Variants in ZNF274 observed in about 807,000 individuals in gnomAD.
ZNF274 encodes zinc finger protein 274, also known as neurotrophin receptor-interacting factor homolog.
A neutral mutation model predicts 42.5 loss-of-function variants in ZNF274; 23 were observed. That is an observed-to-expected ratio of 0.54 (90% CI 0.39 to 0.77). The LOEUF is 0.77. Among genes scored for constraint, ZNF274 ranks in the 30% least tolerant of loss-of-function variants. The pLI, the probability that ZNF274 is intolerant of heterozygous loss-of-function variation, is 0.00. For synonymous variants in ZNF274, 292 were observed against 305.4 expected (o/e 0.96, Z 0.46); for missense variants, 679 against 806.5 (o/e 0.84, Z 1.91).
At chr19:58,194,595 G>C (rs2075817933) in intron 4 of ZNF274, among the ~76,000 whole-genome samples, 1 of 151,814 alleles carries the variant, frequency 6.6e-6, no homozygotes, top group Non-Finnish European at 1.5e-5. Flanking sequence ...TGGCCAGGCT[G>C]GTCTCAAATC....
chr19:58,185,609 T>C, intron 2 of ZNF274, 103 bp from the exon 3 acceptor site: 2 of 1,296,322 alleles, frequency 1.5e-6, no homozygotes, highest in Non-Finnish European at 2.0e-6. Flanking sequence ...TTGGGTCATC[T>C]TGTAGACCAT....
rs1324700134 is a variant in ZNF274 at position 58,190,982 on chromosome 19, T to G, written c.256+3940T>G. On this transcript the variant is annotated intron_variant, in intron 4 of 7. Transcript: ENST00000617501. ...CTGATTTCTTCGTATTTCAGCTTCC[T>G]GGCTCAGCATTAGTATTTTGGTTTT... is the stretch of plus-strand genomic sequence containing the variant. Among the ~76,000 whole-genome samples, 3 of 152,242 alleles carry G rather than the reference T, an allele frequency of 2.0e-5. No homozygotes were observed. In the East Asian group the frequency reaches 5.8e-4, roughly 29 times the overall value.
rs754240404 is a variant in ZNF274 at position 58,212,771 on chromosome 19, C to T, written c.1590C>T (p.Thr530=). The change falls in exon 8 of 8, where the codon ACC becomes ACT. Residue 530 remains threonine (T), a synonymous_variant. Transcript: ENST00000617501. The surrounding 1 kb of genome is among the most constrained non-coding windows in gnomAD (Gnocchi z 4.6). ...RYFSVHKKIH[T]GERPYVCQDC... ...TTTCTGTGCATAAGAAAATCCATAC[C>T]GGAGAGAGGCCCTATGTGTGTCAAG... The T allele has an allele frequency of 3.8e-5, 61 of 1,613,852 alleles. No individual in the cohort carries two copies. Among genetic ancestry groups the T allele is most frequent in the South Asian group, 1.8e-4 (16 of 91,092 alleles).
At position 58,211,296 on chromosome 19, in the gene ZNF274, T is replaced by G; in HGVS notation, c.853-264T>G. On this transcript the variant is annotated intron_variant, in intron 6 of 7. Coordinates refer to ENST00000617501, the MANE Select transcript of ZNF274 (RefSeq NM_133502.3). This position sits in a 1 kb window ranked among gnomAD's most constrained non-coding sequence, Gnocchi z 4.8. ...GCAATGGGCAAGCTGGATAGAGCCG[T>G]GGTTAGGATGGAGTTGTTTGCTTGT... The G allele has an allele frequency of 2.9e-6, 1 of 350,766 alleles. No homozygotes were observed. Among genetic ancestry groups the G allele is most frequent in the African/African-American group, 2.1e-5 (1 of 47,788 alleles). 21.7% of individuals were successfully genotyped at this position (350,766 alleles called of 1,614,324 possible). A position where few individuals can be genotyped will look rare whatever the true frequency, so the allele number is the denominator to read the frequency against.
chr19:58,183,181 C>G lies in ZNF274; in HGVS notation c.-307C>G, dbSNP rs2075650580. On this transcript the variant is annotated 5_prime_UTR_variant, in exon 1 of 8. Coordinates refer to ENST00000617501, the MANE Select transcript of ZNF274 (RefSeq NM_133502.3). ...CTCTCTCCCAGCTCGGGTCGCCGCC[C>G]ACATTAGTGTGGGGCCCTGCGGCCT... 1 of 152,384 alleles carries G rather than the reference C, an allele frequency of 6.6e-6. No homozygotes were observed. Among genetic ancestry groups the G allele is most frequent in the South Asian group, 2.1e-4 (1 of 4,872 alleles). 9.4% of individuals were successfully genotyped at this position (152,384 alleles called of 1,614,324 possible).
At chr19:58,196,900 G>A (rs2075849699) in intron 4 of ZNF274, among the ~76,000 whole-genome samples, 1 of 152,108 alleles carries the variant, frequency 6.6e-6, no homozygotes, top group African/African-American at 2.4e-5. Flanking sequence ...TCCTTTTCAT[G>A]AACTTTTCAC....
chr19:58,183,845 C>T, intron 1 of ZNF274, 76 bp from the exon 2 acceptor site: 1 of 1,020,848 alleles, frequency 9.8e-7, no homozygotes, highest in Non-Finnish European at 1.4e-6. Context: ...GGGAGCCGTT[C>T]CTGGGCGGAG....
At chr19:58,202,425 C>T (rs2075923825) in intron 4 of ZNF274, 2 of 152,248 alleles carry the variant, frequency 1.3e-5, no homozygotes, top group Admixed American at 1.3e-4. Context: ...TGAAGAAACT[C>T]AGGCTCAAGA....
Position 58,211,700 on chromosome 19 carries a change from C to G in ZNF274, c.979+14C>G. On this transcript the variant is annotated intron_variant, in intron 7 of 7. Coordinates refer to ENST00000617501, the MANE Select transcript of ZNF274 (RefSeq NM_133502.3). The surrounding 1 kb of genome is among the most constrained non-coding windows in gnomAD (Gnocchi z 4.8). ...TGGTCTCTGTGGGTAAGGCTGTGCC[C>G]CCTCTTCACCCACCTCAGGGCTGGT... 1 of 1,604,356 alleles carries G rather than the reference C, an allele frequency of 6.2e-7. No homozygotes were observed. Among genetic ancestry groups the G allele is most frequent in the African/African-American group, 1.3e-5 (1 of 74,818 alleles).
chr19:58,183,647 T>C (rs1272715267), intron 1 of ZNF274: 6 of 262,034 alleles, frequency 2.3e-5, no homozygotes, highest in Non-Finnish European at 4.4e-5. Context: ...GGCGCCGCGG[T>C]GGAGAGAACA....
At chr19:58,210,099 T>G in intron 6 of ZNF274, 26 bp downstream of exon 6, 1 of 1,601,072 alleles carries the variant, frequency 6.2e-7, no homozygotes, top group Non-Finnish European at 8.5e-7. Context: ...CACCCTGTTT[T>G]GGTCACAGCA....
chr19:58,204,262 ACGGTAC>A (rs1298856400), intron 4 of ZNF274, among the ~76,000 whole-genome samples: 4 of 151,832 alleles, frequency 2.6e-5, no homozygotes, highest in African/African-American at 7.3e-5. Flanking sequence ...ACTAGGGAGA[ACGGTAC>A]CGGAAGCCCG....
chr19:58,188,694 G>GTATGTATATATATA (rs1555816898), intron 4 of ZNF274, among the ~76,000 whole-genome samples: 11 of 74,658 alleles, frequency 1.5e-4, no homozygotes, highest in African/African-American at 5.4e-4. Flanking sequence ...ATATGTATAT[G>GTATGTATATATATA]TATATATATA....
At position 58,208,835 on chromosome 19, in the gene ZNF274, G is replaced by C. The variant is rs62116004; in HGVS notation, c.740-1126G>C. On this transcript the variant is annotated intron_variant, in intron 5 of 7. Coordinates refer to ENST00000617501, the MANE Select transcript of ZNF274 (RefSeq NM_133502.3). The surrounding 1 kb of genome is among the most constrained non-coding windows in gnomAD (Gnocchi z 4.5). ...TAGTTAGTTAGGTGCCAAGGAGACA[G>C]TTGTGGGGTTAATGAGGTGAAAGTC... is the stretch of plus-strand genomic sequence containing the variant. 0.2 allele frequency: 30,812 copies of C among 152,128 alleles called. 3,980 individuals are homozygous for C. Among genetic ancestry groups the C allele is most frequent in the Middle Eastern group, 0.36 (106 of 292 alleles). The allele number at this position is 152,128 out of a possible 1,614,324, so 9.4% of individuals were successfully genotyped here. A position where few individuals can be genotyped will look rare whatever the true frequency, so the allele number is the denominator to read the frequency against.
intron 4 of ZNF274, among the ~76,000 whole-genome samples, chr19:58,204,807 G>A (rs563844772): frequency 6.6e-6 from 1 of 152,274 alleles, no homozygotes; most frequent in East Asian, 1.9e-4. Context: ...TGGAAATAAA[G>A]ACCAGGCCGT....
chr19:58,210,293 G>A (rs555247555), intron 6 of ZNF274: 21 of 457,194 alleles, frequency 4.6e-5, no homozygotes, highest in Non-Finnish European at 7.9e-5. Flanking sequence ...ATGGTGACCC[G>A]GGAGCTGAGA....
intron 5 of ZNF274, chr19:58,209,756 C>G (rs961427844): frequency 2.2e-5 from 11 of 504,038 alleles, no homozygotes; most frequent in Non-Finnish European, 4.0e-5. Context: ...GGTGAGCCAT[C>G]CCGGGCCCAT....
At position 58,213,433 on chromosome 19, in the gene ZNF274, A is replaced by G. The variant is rs1470856855; in HGVS notation, c.*290A>G. On this transcript the variant is annotated 3_prime_UTR_variant, in exon 8 of 8. Coordinates refer to ENST00000617501, the MANE Select transcript of ZNF274 (RefSeq NM_133502.3). ...TAATAAAATCTGAAAATGTTATATA[A>G]TAACTTTAAAAAGCCAGGTAATTAA... is the stretch of plus-strand genomic sequence containing the variant. 3.0e-6 allele frequency: 1 copy of G among 335,082 alleles called. No homozygotes were observed. The highest frequency in any genetic ancestry group is 5.4e-6 in the Non-Finnish European group (1 of 184,378). The allele number at this position is 335,082 out of a possible 1,614,324, so 20.8% of individuals were successfully genotyped here. A position where few individuals can be genotyped will look rare whatever the true frequency, so the allele number is the denominator to read the frequency against.
intron 4 of ZNF274, among the ~76,000 whole-genome samples, chr19:58,194,565 G>C (rs1468606742): frequency 2.6e-5 from 4 of 151,604 alleles, no homozygotes; most frequent in Non-Finnish European, 4.4e-5. Flanking sequence ...CTTTTTAGTA[G>C]AGACAGGGTT....
Sources: allele counts gnomAD v4.1 joint callset (sites outside exome capture counted in the v4.1 genomes callset), GRCh38; gene constraint gnomAD v4.1.1; non-coding constraint Gnocchi (gnomAD v3.1); transcripts MANE v1.5; gene names NCBI Gene and HGNC (gene_info 2026-07-23, HGNC 2026-07-21).